ERI3: variants seen among roughly 807,000 people sequenced by gnomAD.
ERI3 encodes ERI1 exoribonuclease 3.
In ERI3, 18 loss-of-function variants were observed where a neutral mutation model predicts 44.4. The ratio of observed to expected loss-of-function variants is 0.41; its 90% confidence interval spans 0.28 to 0.60. ERI3 has a LOEUF of 0.60. ERI3 is among the 20% of genes least tolerant of loss of function. ERI3 has a pLI of 0.36. For missense variants in ERI3, 294 were observed against 435.5 expected, an observed-to-expected ratio of 0.68 and a Z score of 2.89; for synonymous variants, 183 against 164.8, an observed-to-expected ratio of 1.11 and a Z score of -0.84.
At chr1:44,335,361 AAAAAAAC>A (rs1646512448) in intron 3 of ERI3, among the ~76,000 whole-genome samples, 1 of 150,248 alleles carries the variant, frequency 6.7e-6, no homozygotes, top group Non-Finnish European at 1.5e-5. Flanking sequence ...TCTCAAAAAA[AAAAAAAC>A]AAACAAAAAA....
chr1:44,228,351 T>C lies in ERI3; in HGVS notation c.932-6711A>G, dbSNP rs1439391983. Among the ~76,000 whole-genome samples, 1 of 152,198 alleles carries C rather than the reference T, an allele frequency of 6.6e-6. No homozygotes were observed. The highest frequency in any genetic ancestry group is 6.5e-5 in the Admixed American group (1 of 15,274). On this transcript the variant is annotated intron_variant, in intron 8 of 8. Transcript: ENST00000372257. The surrounding 1 kb of genome is among the most constrained non-coding windows in gnomAD (Gnocchi z 4.3). ...ATTTCATCTTGATTAGCAGGCGATT[T>C]CTCTCACCGTAATAAGCGCGCTCCA...
Position 44,352,896 on chromosome 1 carries a change from A to T in ERI3, c.165T>A (p.Pro55=), listed in dbSNP as rs770640386. 1.9e-6 allele frequency: 3 copies of T among 1,614,190 alleles called. No individual in the cohort carries two copies. The highest frequency in any genetic ancestry group is 2.5e-6 in the Non-Finnish European group (3 of 1,180,038). The stretch of plus-strand genomic sequence containing the variant: ...CAAGACCGGCAGCTGGGGATGCTGA[A>T]GGTTCTGTGAGAGCTGGAAAGCCCC... ...GHWGFPALTE[P]SASPAAGLGI... is the part of the protein sequence containing the mutation. The change falls in exon 2 of 9, where the codon CCT becomes CCA. Residue 55 remains proline (P), a synonymous_variant. Coordinates refer to ENST00000372257, the MANE Select transcript of ERI3 (RefSeq NM_024066.3).
intron 6 of ERI3, among the ~76,000 whole-genome samples, chr1:44,300,840 G>C (rs1445023855): frequency 6.6e-6 from 1 of 152,182 alleles, no homozygotes; most frequent in Non-Finnish European, 1.5e-5. Flanking sequence ...AGCCCAAGGA[G>C]CTGTCAGGCT....
At chr1:44,291,716 G>C (rs1457303451) in intron 6 of ERI3, among the ~76,000 whole-genome samples, 2 of 152,240 alleles carry the variant, frequency 1.3e-5, no homozygotes, top group Non-Finnish European at 1.5e-5. Flanking sequence ...CTCAGACAGA[G>C]AGTCCCACAC....
chr1:44,229,829 C>T (rs575276149), intron 8 of ERI3, among the ~76,000 whole-genome samples: 1 of 152,256 alleles, frequency 6.6e-6, no homozygotes, highest in East Asian at 1.9e-4. Flanking sequence ...CTGCCTCTTC[C>T]TTTTCCTACC....
intron 7 of ERI3, among the ~76,000 whole-genome samples, chr1:44,256,243 A>G (rs995826618): frequency 2.0e-5 from 3 of 152,174 alleles, no homozygotes; most frequent in Non-Finnish European, 4.4e-5. Flanking sequence ...TTCAGGAACC[A>G]TAGCTGTTCT....
Position 44,226,050 on chromosome 1 carries a change from A to T in ERI3, c.932-4410T>A, listed in dbSNP as rs1644030485. Among the ~76,000 whole-genome samples the T allele has an allele frequency of 2.6e-5, 4 of 152,168 alleles. No homozygotes were observed. In the South Asian group the frequency reaches 8.3e-4, roughly 32 times the overall value. ...AAAAGTTATCTAGTTCTGTTTGAGG[A>T]TTAAATATTCCAAAGTTAAGCAGAG... On this transcript the variant is annotated intron_variant, in intron 8 of 8. Coordinates refer to ENST00000372257, the MANE Select transcript of ERI3 (RefSeq NM_024066.3).
chr1:44,332,578 C>T (rs1316493412), intron 3 of ERI3, among the ~76,000 whole-genome samples: 1 of 152,218 alleles, frequency 6.6e-6, no homozygotes, highest in Non-Finnish European at 1.5e-5. Flanking sequence ...ATGCCAAACA[C>T]ACAAGCCAGG....
chr1:44,278,329 T>C (rs1645220022), intron 7 of ERI3, among the ~76,000 whole-genome samples: 1 of 152,024 alleles, frequency 6.6e-6, no homozygotes, highest in Non-Finnish European at 1.5e-5. Context: ...ATACAAAAAT[T>C]AGCTTGGCAT....
rs1460400186 is a variant in ERI3 at position 44,281,601 on chromosome 1, A to AAAAATATAT, written c.831+3233_831+3234insATATATTTT. 1.4e-3 allele frequency among the ~76,000 whole-genome samples: 176 copies of AAAAATATAT among 127,988 alleles called. 3 individuals carry two copies. The highest frequency in any genetic ancestry group is 5.4e-3 in the African/African-American group (163 of 30,000). The allele number at this position is 127,988 out of a possible 152,430, so 84.0% of individuals were successfully genotyped here. A position where few individuals can be genotyped will look rare whatever the true frequency, so the allele number is the denominator to read the frequency against. ...AGACCCCGTCTCGAAAAAAAAAAAAAATATATATATATATATATAATATAT... is the reference window on the plus strand; with the variant it reads ...AGACCCCGTCTCGAAAAAAAAAAAAAAAAATATATATATATATATATATATATAATATAT... On this transcript the variant is annotated intron_variant, in intron 7 of 8. Coordinates refer to ENST00000372257, the MANE Select transcript of ERI3 (RefSeq NM_024066.3).
intron 8 of ERI3, among the ~76,000 whole-genome samples, chr1:44,239,004 A>ACCCTC (rs1644371867): frequency 7.2e-6 from 1 of 138,086 alleles, no homozygotes; most frequent in Admixed American, 7.2e-5. Context: ...CTCTGCTCCC[A>ACCCTC]CCCTCCCTCT....
At chr1:44,249,506 C>G (rs760725875) in intron 7 of ERI3, among the ~76,000 whole-genome samples, 6 of 152,146 alleles carry the variant, frequency 3.9e-5, no homozygotes, top group South Asian at 2.1e-4. Flanking sequence ...ACACTCCAGC[C>G]CCATGGGTAC....
At chr1:44,249,128 C>G (rs190923978) in intron 7 of ERI3, among the ~76,000 whole-genome samples, 3 of 152,190 alleles carry the variant, frequency 2.0e-5, no homozygotes, top group Non-Finnish European at 4.4e-5. Context: ...CCGGGTAGGC[C>G]TGGTAGCTAG....
At chr1:44,353,727 C>A (rs1269379439) in intron 1 of ERI3, 2 of 985,336 alleles carry the variant, frequency 2.0e-6, no homozygotes, top group African/African-American at 1.7e-5. Context: ...GCTCTATGAC[C>A]TAGCTAGCTG....
At chr1:44,310,973 ACAC>A (rs1557841144) in intron 5 of ERI3, among the ~76,000 whole-genome samples, 1 of 103,640 alleles carries the variant, frequency 9.6e-6, no homozygotes, top group East Asian at 3.0e-4. Flanking sequence ...GCACACACAC[ACAC>A]ACACACACAC....
chr1:44,236,434 G>C (rs1572076407), intron 8 of ERI3, among the ~76,000 whole-genome samples: 1 of 152,094 alleles, frequency 6.6e-6, no homozygotes, highest in South Asian at 2.1e-4. Flanking sequence ...GGGAGAGCAG[G>C]GTGCTGAGAA....
intron 3 of ERI3, among the ~76,000 whole-genome samples, chr1:44,335,938 C>T (rs1198591483): frequency 6.6e-6 from 1 of 152,178 alleles, no homozygotes; most frequent in Non-Finnish European, 1.5e-5. Flanking sequence ...CTCAACCTTT[C>T]CTGCTTCCAT....
At chr1:44,354,511 C>T in intron 1 of ERI3, 1 of 985,400 alleles carries the variant, frequency 1.0e-6, no homozygotes, top group Non-Finnish European at 1.2e-6. Context: ...CTTATTCACT[C>T]CTTCCACCAT....
intron 2 of ERI3, among the ~76,000 whole-genome samples, chr1:44,348,217 G>A (rs1646822783): frequency 6.6e-6 from 1 of 152,096 alleles, no homozygotes; most frequent in African/African-American, 2.4e-5. Context: ...GTTAAAAAGA[G>A]CGAAAAAGAG....
Sources: allele counts gnomAD v4.1 joint callset (sites outside exome capture counted in the v4.1 genomes callset), GRCh38; gene constraint gnomAD v4.1.1; non-coding constraint Gnocchi (gnomAD v3.1); transcripts MANE v1.5; gene names NCBI Gene and HGNC (gene_info 2026-07-23, HGNC 2026-07-21).